Variants in OR52E5 observed in about 807,000 individuals in gnomAD.
OR52E5 encodes the protein olfactory receptor family 52 subfamily E member 5, also known as olfactory receptor 52E5.
In OR52E5 at chr11:5,895,990, A is replaced by C. The variant is rs1309577821; in HGVS notation, c.-146+277A>C. 2.6e-5 allele frequency among the ~76,000 whole-genome samples: 4 copies of C among 152,152 alleles called. No homozygotes were observed. In the South Asian group the frequency reaches 6.2e-4, roughly 24 times the overall value. On this transcript the variant is annotated intron_variant, in intron 2 of 2. Transcript: ENST00000610445. ...CTTCTACCCAAGTGGTGGAGGTTGC[A>C]GTGAGCTGAGATTGTGCCAGTGTAC...
rs1847250225 is a variant in OR52E5 at position 5,901,340 on chromosome 11, G to A, written c.564G>A (p.Lys188=). ...ATTGTGAACACATGGGCTTGGCAAAGTTAGCTTGTGCCAGTATTAATGTTA... is the reference window on the plus strand; with the variant it reads ...ATTGTGAACACATGGGCTTGGCAAAATTAGCTTGTGCCAGTATTAATGTTA... ...HTYCEHMGLA[K]LACASINVIY... Residue 188 remains lysine, a synonymous_variant, in exon 3 of 3, where the codon AAG becomes AAA. Coordinates refer to ENST00000610445, the MANE Select transcript of OR52E5 (RefSeq NM_001005166.5). The A allele has an allele frequency of 5.0e-6, 2 of 401,726 alleles. No homozygotes were observed. Among genetic ancestry groups the A allele is most frequent in the Middle Eastern group, 3.1e-4 (1 of 3,226 alleles). The allele number at this position is 401,726 out of a possible 1,614,324, so 24.9% of individuals were successfully genotyped here. A position where few individuals can be genotyped will look rare whatever the true frequency, so the allele number is the denominator to read the frequency against.
intron 1 of OR52E5, among the ~76,000 whole-genome samples, chr11:5,893,900 C>G (rs2134286256): frequency 6.6e-6 from 1 of 152,218 alleles, no homozygotes; most frequent in South Asian, 2.1e-4. Context: ...TCATTTGAGG[C>G]TTCAGATGTA....
At chr11:5,899,373 C>G (rs1055924971) in intron 2 of OR52E5, among the ~76,000 whole-genome samples, 3 of 152,162 alleles carry the variant, frequency 2.0e-5, no homozygotes, top group African/African-American at 7.2e-5. Flanking sequence ...TCTTCCCTCC[C>G]TTTAGCAGAA....
In OR52E5 at chr11:5,901,602, G is replaced by A. The variant is rs565500828; in HGVS notation, c.826G>A (p.Ala276Thr). 2 of 401,514 alleles carry A rather than the reference G, an allele frequency of 5.0e-6. No individual in the cohort carries two copies. The highest frequency in any genetic ancestry group is 3.6e-5 in the East Asian group (1 of 28,062). 24.9% of individuals were successfully genotyped at this position (401,514 alleles called of 1,614,324 possible). Residue 276 changes from alanine (A) to threonine (T), a missense_variant, in exon 3 of 3, where the codon GCC becomes ACC. Transcript: ENST00000610445. ...CCCTCATTACATCCACATTCTTCTG[G>A]CCAATCTGTATGTGGTTTTTCCCCC... ...NIPHYIHILLANLYVVFPPAL... is the reference protein window; with the variant it reads ...NIPHYIHILLTNLYVVFPPAL...
chr11:5,897,201 TG>T (rs1421539195), intron 2 of OR52E5, among the ~76,000 whole-genome samples: 1 of 152,200 alleles, frequency 6.6e-6, no homozygotes, highest in African/African-American at 2.4e-5. Flanking sequence ...TGCATAATGC[TG>T]GGGCATAGGC....
intron 1 of OR52E5, among the ~76,000 whole-genome samples, chr11:5,895,129 A>G (rs1428056707): frequency 6.6e-6 from 1 of 152,334 alleles, no homozygotes; most frequent in East Asian, 1.9e-4. Context: ...TAATTATGAA[A>G]AGATTGCTAA....
intron 2 of OR52E5, among the ~76,000 whole-genome samples, chr11:5,900,341 C>T (rs1847232192): frequency 6.7e-6 from 1 of 150,110 alleles, no homozygotes. Context: ...TTCCTCTTAT[C>T]ATTTTCCTCC....
chr11:5,895,572 T>C (rs979345523), intron 1 of OR52E5, 60 bp from the exon 2 acceptor site: 1 of 152,226 alleles, frequency 6.6e-6, no homozygotes, highest in Non-Finnish European at 1.5e-5. Context: ...TTTTTTAATC[T>C]TTGTAAATAG....
At chr11:5,893,877 G>A (rs1847138319) in intron 1 of OR52E5, among the ~76,000 whole-genome samples, 1 of 152,198 alleles carries the variant, frequency 6.6e-6, no homozygotes, top group African/African-American at 2.4e-5. Flanking sequence ...CATCTCCAGA[G>A]CTTCATATCG....
At chr11:5,895,399 C>T (rs973523496) in intron 1 of OR52E5, among the ~76,000 whole-genome samples, 1 of 152,134 alleles carries the variant, frequency 6.6e-6, no homozygotes, top group Non-Finnish European at 1.5e-5. Context: ...GCTGATTTTT[C>T]TCCATTGCAC....
chr11:5,900,891 A>G lies in OR52E5; in HGVS notation c.115A>G (p.Thr39Ala), dbSNP rs1273753406. 2 of 401,178 alleles carry G rather than the reference A, an allele frequency of 5.0e-6. No individual in the cohort carries two copies. Among genetic ancestry groups the G allele is most frequent in the African/African-American group, 4.1e-5 (2 of 48,696 alleles). The allele number at this position is 401,178 out of a possible 1,614,324, so 24.9% of individuals were successfully genotyped here. Reference protein sequence around the residue: ...IGFPFFAVYLTALLGNIIILF... With the variant: ...IGFPFFAVYLAALLGNIIILF... Reference sequence around the variant, plus strand: ...CTTCCCCTTCTTTGCAGTGTATCTAACAGCCCTTCTAGGGAACATCATTAT... The same window carrying G: ...CTTCCCCTTCTTTGCAGTGTATCTAGCAGCCCTTCTAGGGAACATCATTAT... Residue 39 changes from threonine to alanine, a missense_variant, in exon 3 of 3, where the codon ACA (threonine) becomes GCA (alanine). Transcript: ENST00000610445.
At position 5,901,430 on chromosome 11, in the gene OR52E5, C is replaced by T. The variant is rs889917707; in HGVS notation, c.654C>T (p.Val218=). ...IDISVIGFSY[V]QILRAVFHLP... is the part of the protein sequence containing the mutation. ...TTTCTGTGATTGGATTTTCCTATGT[C>T]CAGATCCTCCGAGCTGTCTTCCATC... is the stretch of plus-strand genomic sequence containing the variant. The change falls in exon 3 of 3, where the codon GTC becomes GTT. Residue 218 remains valine (V), a synonymous_variant. Coordinates refer to ENST00000610445, the MANE Select transcript of OR52E5 (RefSeq NM_001005166.5). 6 of 401,466 alleles carry T rather than the reference C, an allele frequency of 1.5e-5. No homozygotes were observed. Among genetic ancestry groups the T allele is most frequent in the African/African-American group, 8.2e-5 (4 of 48,674 alleles). 24.9% of individuals were successfully genotyped at this position (401,466 alleles called of 1,614,324 possible).
intron 2 of OR52E5, among the ~76,000 whole-genome samples, 165 bp downstream of exon 2, chr11:5,895,878 G>A (rs999015002): frequency 1.3e-5 from 2 of 152,032 alleles, no homozygotes; most frequent in African/African-American, 4.8e-5. Context: ...GCCTGGCCTT[G>A]TCTCTACTAA....
At chr11:5,894,421 C>T (rs1002962340) in intron 1 of OR52E5, among the ~76,000 whole-genome samples, 2 of 151,862 alleles carry the variant, frequency 1.3e-5, no homozygotes, top group Admixed American at 6.6e-5. Flanking sequence ...GATAGATTGG[C>T]CTTTGGAAAA....
Position 5,901,092 on chromosome 11 carries a change from A to G in OR52E5, c.316A>G (p.Ile106Val), listed in dbSNP as rs934993727. Residue 106 changes from isoleucine (I) to valine (V), a missense_variant, in exon 3 of 3, where the codon ATT becomes GTT. Transcript: ENST00000610445. Reference protein sequence around the residue: ...FGACITQMYTIHICTGLESVV... With the variant: ...FGACITQMYTVHICTGLESVV... ...TGCCTGCATCACACAGATGTATACC[A>G]TTCATATATGCACTGGCCTGGAGTC... is the stretch of plus-strand genomic sequence containing the variant. 4 of 401,488 alleles carry G rather than the reference A, an allele frequency of 1.0e-5. No homozygotes were observed. In the Admixed American group the frequency reaches 1.8e-4, roughly 18 times the overall value. 24.9% of individuals were successfully genotyped at this position (401,488 alleles called of 1,614,324 possible). A position where few individuals can be genotyped will look rare whatever the true frequency, so the allele number is the denominator to read the frequency against.
intron 2 of OR52E5, among the ~76,000 whole-genome samples, chr11:5,898,542 T>G (rs1024792337): frequency 5.3e-5 from 8 of 152,198 alleles, no homozygotes; most frequent in Admixed American, 4.6e-4. Context: ...AGAAAAGTTT[T>G]TCCTAGGTCT....
At position 5,902,054 on chromosome 11, in the gene OR52E5, T is replaced by C. The variant is rs528055706; in HGVS notation, c.*294T>C. 7 of 244,008 alleles carry C rather than the reference T, an allele frequency of 2.9e-5. No homozygotes were observed. The highest frequency in any genetic ancestry group is 4.7e-5 in the Non-Finnish European group (6 of 126,796). The allele number at this position is 244,008 out of a possible 1,614,324, so 15.1% of individuals were successfully genotyped here. ...AGCCTTTCCACATGAAGATTCTCTG[T>C]ATTTACATATCCAAAGCTGAAGTTC... On this transcript the variant is annotated 3_prime_UTR_variant, in exon 3 of 3. Coordinates refer to ENST00000610445, the MANE Select transcript of OR52E5 (RefSeq NM_001005166.5).
chr11:5,900,841 T>C lies in OR52E5; in HGVS notation c.65T>C (p.Leu22Pro). 2 of 401,392 alleles carry C rather than the reference T, an allele frequency of 5.0e-6. No individual in the cohort carries two copies. The highest frequency in any genetic ancestry group is 3.6e-5 in the East Asian group (1 of 28,084). 24.9% of individuals were successfully genotyped at this position (401,392 alleles called of 1,614,324 possible). Reference protein sequence around the residue: ...STFLVVGVPGLEDVHVWIGFP... With the variant: ...STFLVVGVPGPEDVHVWIGFP... Reference sequence around the variant, plus strand: ...TTCCTCGTAGTGGGGGTCCCAGGGCTGGAAGATGTGCATGTATGGATTGGC... The same window carrying C: ...TTCCTCGTAGTGGGGGTCCCAGGGCCGGAAGATGTGCATGTATGGATTGGC... Residue 22 changes from leucine to proline, a missense_variant, in exon 3 of 3, where the codon CTG (leucine) becomes CCG (proline). Coordinates refer to ENST00000610445, the MANE Select transcript of OR52E5 (RefSeq NM_001005166.5).
intron 1 of OR52E5, among the ~76,000 whole-genome samples, chr11:5,894,643 C>G (rs576137628): frequency 3.3e-5 from 5 of 152,212 alleles, no homozygotes; most frequent in African/African-American, 1.2e-4. Context: ...GATGATAATA[C>G]TGTAAAGATA....
Sources: gnomAD v4.1 joint callset for allele counts (sites outside exome capture counted in the v4.1 genomes callset) on GRCh38, gnomAD v4.1.1 for gene constraint, MANE v1.5 for transcripts, NCBI Gene and HGNC (gene_info 2026-07-23, HGNC 2026-07-21) for gene names.